FLT3: variants seen among roughly 807,000 people sequenced by gnomAD.
The protein encoded by FLT3 is receptor-type tyrosine-protein kinase FLT3.
FLT3 carries 46 observed loss-of-function variants against 126.6 expected under a neutral mutation model. The ratio of observed to expected loss-of-function variants is 0.36; its 90% CI spans 0.29 to 0.46. The LOEUF is 0.46. Ranked by LOEUF, FLT3 falls within the 20% of genes least tolerant of loss-of-function variation. The pLI, the probability that FLT3 is intolerant of heterozygous loss-of-function variation, is 1.00. For missense variants in FLT3, 1,069 were observed against 1,190.3 expected, an observed-to-expected ratio of 0.90 and a Z score of 1.50; for synonymous variants, 404 against 434.4, an observed-to-expected ratio of 0.93 and a Z score of 0.87.
At chr13:28,010,271 C>T (rs1355552285) in intron 23 of FLT3, among the ~76,000 whole-genome samples, 1 of 152,148 alleles carries the variant, frequency 6.6e-6, no homozygotes, top group Non-Finnish European at 1.5e-5. Flanking sequence ...AGCACTACCC[C>T]ATGGGGTGTA....
At chr13:28,043,326 C>T (rs755425474) in intron 9 of FLT3, among the ~76,000 whole-genome samples, 10 of 151,964 alleles carry the variant, frequency 6.6e-5, no homozygotes, top group East Asian at 5.8e-4. Context: ...GACACCAGGA[C>T]GGCTAGAAAG....
intron 1 of FLT3, among the ~76,000 whole-genome samples, chr13:28,096,648 G>A (rs1321291500): frequency 6.6e-6 from 1 of 152,036 alleles, no homozygotes; most frequent in Non-Finnish European, 1.5e-5. Flanking sequence ...TGTTGGCCAG[G>A]CTGGTCTCAA....
intron 15 of FLT3, among the ~76,000 whole-genome samples, chr13:28,033,407 T>C (rs1317164299): frequency 6.6e-6 from 1 of 152,234 alleles, no homozygotes; most frequent in African/African-American, 2.4e-5. Context: ...CTCACGCCTG[T>C]AATCCCAACA....
At chr13:28,088,584 C>CTTTT (rs34680883) in intron 1 of FLT3, among the ~76,000 whole-genome samples, 10 of 103,346 alleles carry the variant, frequency 9.7e-5, no homozygotes, top group Non-Finnish European at 1.3e-4. Flanking sequence ...CATCCAAAAC[C>CTTTT]TTTTTTTTTT....
intron 9 of FLT3, among the ~76,000 whole-genome samples, 192 bp from the exon 10 acceptor site, chr13:28,037,480 G>A (rs150401783): frequency 5.5e-4 from 84 of 152,256 alleles, no homozygotes; most frequent in African/African-American, 1.8e-3. Context: ...CATCAACATC[G>A]CCATTGGTAT....
intron 20 of FLT3, among the ~76,000 whole-genome samples, chr13:28,017,349 A>C (rs1871952552): frequency 6.6e-6 from 1 of 151,724 alleles, no homozygotes; most frequent in African/African-American, 2.4e-5. Context: ...CAGCCTCCCA[A>C]GTAGCTGAGA....
At position 28,067,809 on chromosome 13, in the gene FLT3, C is replaced by T. The variant is rs1877164739; in HGVS notation, c.165+2682G>A. ...CAAAGTCCACCATTCTTTCCCAAAT[C>T]CTTGTTACAGAAAACCAACCAACAA... On this transcript the variant is annotated intron_variant, in intron 2 of 23. Transcript: ENST00000241453. The T allele has an allele frequency of 3.6e-5, 8 of 219,818 alleles. No homozygotes were observed. In the South Asian group the frequency reaches 4.7e-4, roughly 13 times the overall value. The allele number at this position is 219,818 out of a possible 1,614,324, so 13.6% of individuals were successfully genotyped here.
At chr13:28,085,875 G>A (rs1288089623) in intron 1 of FLT3, among the ~76,000 whole-genome samples, 1 of 152,088 alleles carries the variant, frequency 6.6e-6, no homozygotes, top group Non-Finnish European at 1.5e-5. Flanking sequence ...CACCTCGGGA[G>A]GCCAATGTGG....
At chr13:28,041,940 G>A (rs935619279) in intron 9 of FLT3, among the ~76,000 whole-genome samples, 21 of 152,098 alleles carry the variant, frequency 1.4e-4, no homozygotes, top group African/African-American at 5.1e-4. Flanking sequence ...ATCACTTGAG[G>A]TAAGGAGTTC....
chr13:28,015,652 A>G lies in FLT3; in HGVS notation c.2591T>C (p.Ile864Thr). 9.9e-6 allele frequency: 16 copies of G among 1,613,724 alleles called. No homozygotes were observed. The highest frequency in any genetic ancestry group is 1.4e-5 in the Non-Finnish European group (16 of 1,179,828). ...CCAGACATCACTCTTAATGGTGTAG[A>G]TGCCTTCAAACAGGCTTTCGGGGGC... ...WMAPESLFEG[I>T]YTIKSDVWSY... Residue 864 changes from isoleucine (I) to threonine (T), a missense_variant, in exon 21 of 24, where the codon ATC becomes ACC. Ile to Thr is a moderately conservative substitution (Grantham distance 89). Transcript: ENST00000241453.
intron 2 of FLT3, among the ~76,000 whole-genome samples, chr13:28,070,224 T>C (rs1043939995): frequency 1.3e-5 from 2 of 152,216 alleles, no homozygotes; most frequent in African/African-American, 4.8e-5. Context: ...CCATCCCCGC[T>C]GTATACCAAG....
At chr13:28,094,954 A>G (rs1879363367) in intron 1 of FLT3, among the ~76,000 whole-genome samples, 1 of 152,248 alleles carries the variant, frequency 6.6e-6, no homozygotes, top group Non-Finnish European at 1.5e-5. Flanking sequence ...TCAACCAAGA[A>G]TAACTAAATC....
At chr13:28,043,560 T>C (rs957377206) in intron 9 of FLT3, among the ~76,000 whole-genome samples, 1 of 152,220 alleles carries the variant, frequency 6.6e-6, no homozygotes, top group African/African-American at 2.4e-5. Context: ...TCTTGATACA[T>C]GACTAAAATA....
chr13:28,017,663 TTG>T (rs1491292912), intron 20 of FLT3, among the ~76,000 whole-genome samples: 3 of 136,970 alleles, frequency 2.2e-5, no homozygotes, highest in Non-Finnish European at 4.7e-5. Flanking sequence ...TTTTTTGTTG[TTG>T]TTTTTTTTTT....
rs185172819 is a variant in FLT3, at chr13:28,037,975, A to G, written c.1206-687T>C. ...CCATCCCCCTACCCCCAATCTATGG[A>G]AAAATTGTCTTCCACAAAATGGATC... is the stretch of plus-strand genomic sequence containing the variant. On this transcript the variant is annotated intron_variant, in intron 9 of 23. Coordinates refer to ENST00000241453, the MANE Select transcript of FLT3 (RefSeq NM_004119.3). Among the ~76,000 whole-genome samples, 226 of 152,288 alleles carry G rather than the reference A, an allele frequency of 1.5e-3. 1 individual carries two copies. The highest frequency in any genetic ancestry group is 5.1e-3 in the African/African-American group (213 of 41,562).
chr13:28,016,040 G>C (rs918392798), intron 20 of FLT3, among the ~76,000 whole-genome samples: 1 of 152,120 alleles, frequency 6.6e-6, no homozygotes, highest in African/African-American at 2.4e-5. Context: ...TAGTGAATTA[G>C]TGAGATCTTC....
At chr13:28,071,317 T>A (rs1877500880) in intron 1 of FLT3, among the ~76,000 whole-genome samples, 1 of 151,860 alleles carries the variant, frequency 6.6e-6, no homozygotes, top group African/African-American at 2.4e-5. Flanking sequence ...GCCTGGTATA[T>A]TCTTTTTTTC....
intron 1 of FLT3, among the ~76,000 whole-genome samples, chr13:28,075,457 G>C (rs776266164): frequency 6.6e-6 from 1 of 152,060 alleles, no homozygotes; most frequent in Non-Finnish European, 1.5e-5. Context: ...GGGCATGGTG[G>C]CTCACATCTG....
At chr13:28,073,285 C>A in intron 1 of FLT3, 1 of 264,790 alleles carries the variant, frequency 3.8e-6, no homozygotes, top group Non-Finnish European at 7.5e-6. Context: ...GATGTTGAGG[C>A]TGCAGTGAGA....
Sources: gnomAD v4.1 joint callset for allele counts (sites outside exome capture counted in the v4.1 genomes callset) on GRCh38, gnomAD v4.1.1 for gene constraint, MANE v1.5 for transcripts, NCBI Gene and HGNC (gene_info 2026-07-23, HGNC 2026-07-21) for gene names.